Variants in ROBO2 observed in about 807,000 individuals in gnomAD.
ROBO2 encodes roundabout guidance receptor 2.
A neutral mutation model predicts 160.8 loss-of-function variants in ROBO2; 53 were observed. The observed-to-expected ratio is 0.33, with a 90% confidence interval of 0.26 to 0.41. ROBO2 has a LOEUF of 0.41. Among genes scored for constraint, ROBO2 ranks in the 10% least tolerant of loss-of-function variants. The pLI is 1.00. For missense variants in ROBO2, 1,577 were observed against 1,722.4 expected (o/e 0.92, Z 1.49); for synonymous variants, 664 against 611.7 (o/e 1.09, Z -1.26).
chr3:76,771,244 G>T (rs1430356320), intron 2 of ROBO2, among the ~76,000 whole-genome samples: 4 of 151,164 alleles, frequency 2.6e-5, no homozygotes, highest in Non-Finnish European at 1.5e-5. Context: ...TGCCACCGAT[G>T]ATCTTCTTAC....
At position 76,834,092 on chromosome 3, in the gene ROBO2, TTC is replaced by T. The variant is rs1197661881; in HGVS notation, c.110-263920_110-263919del. Among the ~76,000 whole-genome samples the T allele has an allele frequency of 2.0e-5, 3 of 147,436 alleles. 1 individual carries two copies. The highest frequency in any genetic ancestry group is 5.0e-5 in the African/African-American group (2 of 39,924). On this transcript the variant is annotated intron_variant, in intron 2 of 26. Transcript: ENST00000487694. The stretch of plus-strand genomic sequence containing the variant: ...TTTCTTTCTTTCTTTCTTTCTTTCT[TTC>T]TTTCTTTCTTTCTTTCTTTCTCTCT...
intron 2 of ROBO2, among the ~76,000 whole-genome samples, chr3:76,961,874 G>A (rs1472024140): frequency 6.6e-6 from 1 of 152,064 alleles, no homozygotes; most frequent in South Asian, 2.1e-4. Flanking sequence ...ATAATTCAGC[G>A]ATTCATTCTT....
At chr3:77,006,293 G>A (rs547644941) in intron 2 of ROBO2, among the ~76,000 whole-genome samples, 6 of 135,944 alleles carry the variant, frequency 4.4e-5, no homozygotes, top group African/African-American at 1.7e-4. Flanking sequence ...GTTGATAATA[G>A]AATTTTAATA....
chr3:75,951,267 A>G (rs1016700979), intron 2 of ROBO2, among the ~76,000 whole-genome samples: 2 of 152,064 alleles, frequency 1.3e-5, no homozygotes, highest in African/African-American at 4.8e-5. Context: ...CTTTTTTGGC[A>G]TAACAAAAAT....
intron 1 of ROBO2, among the ~76,000 whole-genome samples, chr3:75,927,735 G>A (rs543002687): frequency 2.0e-5 from 3 of 152,282 alleles, no homozygotes; most frequent in African/African-American, 7.2e-5. Flanking sequence ...AATACAGATT[G>A]ATTACTTAGA....
chr3:76,631,142 G>A (rs573292376), intron 2 of ROBO2, among the ~76,000 whole-genome samples: 1 of 152,010 alleles, frequency 6.6e-6, no homozygotes, highest in Non-Finnish European at 1.5e-5. Context: ...TTGAGAAAAA[G>A]GCAGGCTATA....
intron 2 of ROBO2, among the ~76,000 whole-genome samples, chr3:76,052,334 T>C (rs1289547733): frequency 6.6e-6 from 1 of 152,088 alleles, no homozygotes; most frequent in Non-Finnish European, 1.5e-5. Flanking sequence ...GACTCACTCA[T>C]GCACACACAG....
At chr3:77,278,614 G>T (rs2060044367) in intron 2 of ROBO2, among the ~76,000 whole-genome samples, 1 of 152,020 alleles carries the variant, frequency 6.6e-6, no homozygotes, top group South Asian at 2.1e-4. Flanking sequence ...TAAACCTATA[G>T]ATACTTTTGT....
intron 2 of ROBO2, among the ~76,000 whole-genome samples, chr3:76,203,565 C>T (rs1002623401): frequency 7.0e-4 from 6 of 8,586 alleles, no homozygotes; most frequent in African/African-American, 1.8e-3. Flanking sequence ...TCCTTTCTCA[C>T]CTTGAGATTG....
intron 2 of ROBO2, among the ~76,000 whole-genome samples, chr3:76,931,682 A>T (rs919958023): frequency 2.6e-5 from 4 of 151,944 alleles, no homozygotes; most frequent in Admixed American, 2.6e-4. Context: ...GATGTTATAC[A>T]GACTTTTTTT....
chr3:77,047,943 A>G (rs1423640217), intron 1 of ROBO2, among the ~76,000 whole-genome samples: 1 of 151,884 alleles, frequency 6.6e-6, no homozygotes, highest in Non-Finnish European at 1.5e-5. Flanking sequence ...GCTACTTGGG[A>G]GGCTGAGGCA....
intron 5 of ROBO2, among the ~76,000 whole-genome samples, chr3:77,500,167 G>T (rs531976593): frequency 4.7e-4 from 71 of 152,148 alleles, no homozygotes; most frequent in Non-Finnish European, 7.3e-4. Flanking sequence ...AAAAAGATGT[G>T]TAATGTTAAA....
chr3:77,141,778 G>A (rs747971730), intron 2 of ROBO2, among the ~76,000 whole-genome samples: 5 of 152,270 alleles, frequency 3.3e-5, no homozygotes, highest in African/African-American at 4.8e-5. Context: ...GATGTAAGCC[G>A]TGATAAATTA....
chr3:76,101,723 G>A (rs1301746026), intron 2 of ROBO2, among the ~76,000 whole-genome samples: 6 of 106,334 alleles, frequency 5.6e-5, no homozygotes, highest in Non-Finnish European at 1.1e-4. Context: ...AACCCCACAA[G>A]AGGCCCTGGG....
intron 2 of ROBO2, among the ~76,000 whole-genome samples, chr3:76,891,159 T>C (rs759686459): frequency 6.6e-6 from 1 of 152,154 alleles, no homozygotes; most frequent in Non-Finnish European, 1.5e-5. Context: ...TTTCTCATGA[T>C]TGATTTTTAA....
At chr3:77,552,238 G>A (rs562697277) in intron 8 of ROBO2, among the ~76,000 whole-genome samples, 2 of 151,986 alleles carry the variant, frequency 1.3e-5, no homozygotes, top group Non-Finnish European at 2.9e-5. Flanking sequence ...TCTGTCCAAA[G>A]CCTATGTTTT....
chr3:77,445,263 A>G (rs1416955695), intron 2 of ROBO2, among the ~76,000 whole-genome samples: 3 of 152,272 alleles, frequency 2.0e-5, no homozygotes, highest in South Asian at 2.1e-4. Context: ...TAATTTAAGG[A>G]AAAATATGAA....
At chr3:76,957,051 A>C (rs1160634326) in intron 2 of ROBO2, among the ~76,000 whole-genome samples, 1 of 152,124 alleles carries the variant, frequency 6.6e-6, no homozygotes, top group African/African-American at 2.4e-5. Flanking sequence ...TCTTTGTTTA[A>C]TACCTAAGTT....
rs2058560700 is a variant in ROBO2 at position 77,258,414 on chromosome 3, A to G, written c.388+160074A>G. On this transcript the variant is annotated intron_variant, in intron 2 of 25. Transcript: ENST00000461745. ...CTCCCCAATATTTTTAAGTTTAGAA[A>G]TTGAGAAATTATACTCATTTTTGTC... 3.3e-5 allele frequency among the ~76,000 whole-genome samples: 5 copies of G among 152,228 alleles called. No individual in the cohort carries two copies. In the South Asian group the frequency reaches 1.0e-3, roughly 32 times the overall value.
Sources: gnomAD v4.1 joint callset for allele counts (sites outside exome capture counted in the v4.1 genomes callset) on GRCh38, gnomAD v4.1.1 for gene constraint, MANE v1.5 for transcripts, NCBI Gene and HGNC (gene_info 2026-07-23, HGNC 2026-07-21) for gene names.